FOXN2: variants seen among roughly 807,000 people sequenced by gnomAD.
The protein encoded by FOXN2 is forkhead box protein N2.
A neutral mutation model predicts 41.2 loss-of-function variants in FOXN2; 19 were observed. The ratio of observed to expected loss-of-function variants is 0.46; its 90% confidence interval spans 0.32 to 0.68. The LOEUF (loss-of-function observed/expected upper bound fraction) is 0.68, where lower values mean the gene tolerates loss of function less well. Ranked by LOEUF, FOXN2 falls within the 30% of genes least tolerant of loss-of-function variation. The probability of loss-of-function intolerance (pLI) is 0.03; values close to 1 mark genes in which losing one functional copy is unlikely to be tolerated. For synonymous variants in FOXN2, 195 were observed against 176.8 expected (o/e 1.10, Z -0.82); for missense variants, 587 against 509.4 (o/e 1.15, Z -1.47).
At position 48,368,886 on chromosome 2, in the gene FOXN2, CT is replaced by C. The variant is rs1242996574; in HGVS notation, c.704-4399del. Among the ~76,000 whole-genome samples the C allele has an allele frequency of 7.9e-5, 12 of 152,254 alleles. No individual in the cohort carries two copies. In the South Asian group the frequency reaches 2.3e-3, roughly 29 times the overall value. On this transcript the variant is annotated intron_variant, in intron 5 of 6. Coordinates refer to ENST00000340553, the MANE Select transcript of FOXN2 (RefSeq NM_002158.4). The stretch of plus-strand genomic sequence containing the variant: ...GCTTATTTTTAATGTTGAAGTTAAA[CT>C]TTTTTTCACAGTTAATTGGCAAGGC...
chr2:48,353,679 A>C (rs1478109149), intron 3 of FOXN2, among the ~76,000 whole-genome samples: 1 of 151,686 alleles, frequency 6.6e-6, no homozygotes, highest in Non-Finnish European at 1.5e-5. Flanking sequence ...CTTAATGCAT[A>C]ATTCTCTTTA....
intron 3 of FOXN2, among the ~76,000 whole-genome samples, chr2:48,358,644 A>G (rs1204258130): frequency 6.6e-6 from 1 of 152,254 alleles, no homozygotes; most frequent in Non-Finnish European, 1.5e-5. Flanking sequence ...AAATCTTAAT[A>G]GCAATCATAA....
chr2:48,362,723 A>T lies in FOXN2; in HGVS notation c.703+16A>T, dbSNP rs752508516. 1.2e-6 allele frequency: 2 copies of T among 1,601,568 alleles called. No individual in the cohort carries two copies. Among genetic ancestry groups the T allele is most frequent in the Admixed American group, 1.7e-5 (1 of 60,004 alleles). ...AACCTCAAAGGTATGTGTGAATATC[A>T]GTACAGTCATGCACCACACAACAAT... On this transcript the variant is annotated intron_variant, in intron 5 of 6. Coordinates refer to ENST00000340553, the MANE Select transcript of FOXN2 (RefSeq NM_002158.4).
chr2:48,361,093 A>C (rs113547991), intron 4 of FOXN2, among the ~76,000 whole-genome samples: 12 of 152,134 alleles, frequency 7.9e-5, no homozygotes, highest in African/African-American at 2.6e-4. Flanking sequence ...TGTCTTTGAT[A>C]TATTGTATTT....
intron 3 of FOXN2, among the ~76,000 whole-genome samples, chr2:48,351,275 A>G (rs1351420410): frequency 6.7e-6 from 1 of 148,218 alleles, no homozygotes; most frequent in African/African-American, 2.5e-5. Flanking sequence ...GTTGAATCCA[A>G]TGTTTTTCGT....
At chr2:48,353,973 T>C (rs1280215799) in intron 3 of FOXN2, among the ~76,000 whole-genome samples, 1 of 152,228 alleles carries the variant, frequency 6.6e-6, no homozygotes, top group Non-Finnish European at 1.5e-5. Flanking sequence ...AGTGATTTTA[T>C]TCTTGAATTG....
At chr2:48,315,098 C>G (rs1361426123) in intron 1 of FOXN2, among the ~76,000 whole-genome samples, 2 of 151,918 alleles carry the variant, frequency 1.3e-5, no homozygotes, top group Non-Finnish European at 2.9e-5. Flanking sequence ...AGGTAATGAC[C>G]GCCCGGGAGG....
chr2:48,331,303 A>G (rs1670006855), intron 2 of FOXN2, among the ~76,000 whole-genome samples: 1 of 152,200 alleles, frequency 6.6e-6, no homozygotes, highest in Admixed American at 6.5e-5. Flanking sequence ...AAAAAAGTAA[A>G]CAATTATTTA....
chr2:48,371,105 C>G (rs928868628), intron 5 of FOXN2, among the ~76,000 whole-genome samples: 1 of 152,134 alleles, frequency 6.6e-6, no homozygotes, highest in Non-Finnish European at 1.5e-5. Context: ...AATCAGTCCA[C>G]TGGCGGAGGG....
At chr2:48,328,456 G>A (rs1669822042) in intron 1 of FOXN2, 105 bp from the exon 2 acceptor site, 1 of 152,116 alleles carries the variant, frequency 6.6e-6, no homozygotes, top group Non-Finnish European at 1.5e-5. Context: ...ATAAATAGTT[G>A]TTAAACTGTA....
In FOXN2 at chr2:48,367,257, T is replaced by C. The variant is rs552166914; in HGVS notation, c.703+4550T>C. Among the ~76,000 whole-genome samples, 42 of 152,284 alleles carry C rather than the reference T, an allele frequency of 2.8e-4. 1 individual carries two copies. The highest frequency in any genetic ancestry group is 9.6e-4 in the African/African-American group (40 of 41,552). ...TGTATTTAGAGTAAATTCACCTGTT[T>C]AAAAATATTACTGAGCTGTTCTAGA... On this transcript the variant is annotated intron_variant, in intron 5 of 6. Transcript: ENST00000340553.
In FOXN2 at chr2:48,359,129, CTTCAGCATCTTCACAAAA is replaced by C. The variant is rs1275291350; in HGVS notation, c.621_638del (p.Ser208_Asn213del). The C allele has an allele frequency of 6.2e-7, 1 of 1,613,166 alleles. No individual in the cohort carries two copies. Among genetic ancestry groups the C allele is most frequent in the South Asian group, 1.1e-5 (1 of 91,054 alleles). ...CAGGCACTGAAGAAGCAACCTTTTT[CTTCAGCATCTTCACAAAA>C]GTAAGGATCTTCCATATAACTGTCA... On this transcript the variant is annotated inframe_deletion and splice_region_variant, in exon 4 of 7. Transcript: ENST00000340553.
intron 4 of FOXN2, 39 bp downstream of exon 4, chr2:48,359,186 G>T: frequency 7.0e-7 from 1 of 1,424,434 alleles, no homozygotes; most frequent in Non-Finnish European, 9.9e-7. Context: ...GTGATTTATA[G>T]GATTTCACTG....
intron 3 of FOXN2, among the ~76,000 whole-genome samples, chr2:48,351,546 G>A (rs145717944): frequency 2.6e-5 from 4 of 152,252 alleles, no homozygotes; most frequent in African/African-American, 9.6e-5. Flanking sequence ...TACCTGAGGT[G>A]GGGACATGGG....
At position 48,373,226 on chromosome 2, in the gene FOXN2, T is replaced by G. The variant is rs1051172066; in HGVS notation, c.704-66T>G. 4.4e-6 allele frequency: 5 copies of G among 1,133,682 alleles called. No individual in the cohort carries two copies. In the African/African-American group the frequency reaches 6.3e-5, roughly 14 times the overall value. 70.2% of individuals were successfully genotyped at this position (1,133,682 alleles called of 1,614,324 possible). A position where few individuals can be genotyped will look rare whatever the true frequency, so the allele number is the denominator to read the frequency against. On this transcript the variant is annotated intron_variant, in intron 5 of 6. Coordinates refer to ENST00000340553, the MANE Select transcript of FOXN2 (RefSeq NM_002158.4). ...GTAACGCTGGTTATCTTCAGGGGCA[T>G]GCAAATACTTAGAATAGCCTCTCCT...
chr2:48,326,091 C>CT (rs1669655645), intron 1 of FOXN2, among the ~76,000 whole-genome samples: 2 of 152,110 alleles, frequency 1.3e-5, no homozygotes, highest in Non-Finnish European at 2.9e-5. Context: ...CTCAAATGAT[C>CT]TGCCTGCCTT....
intron 5 of FOXN2, among the ~76,000 whole-genome samples, chr2:48,368,911 G>A (rs891431071): frequency 4.6e-5 from 7 of 152,120 alleles, no homozygotes; most frequent in African/African-American, 1.7e-4. Flanking sequence ...AATTGGCAAG[G>A]CATTGCAGGA....
At position 48,376,614 on chromosome 2, in the gene FOXN2, A is replaced by G. The variant is rs1188156255; in HGVS notation, c.*1171A>G. The stretch of plus-strand genomic sequence containing the variant: ...TAACAACCTATAGTGCCATTGATCC[A>G]TGAGAAAAAGATTTTCTGGTACTAC... On this transcript the variant is annotated 3_prime_UTR_variant, in exon 7 of 7. Transcript: ENST00000340553. 1.3e-5 allele frequency: 2 copies of G among 152,546 alleles called. No individual in the cohort carries two copies. Among genetic ancestry groups the G allele is most frequent in the African/African-American group, 2.4e-5 (1 of 41,464 alleles). The allele number at this position is 152,546 out of a possible 1,614,324, so 9.4% of individuals were successfully genotyped here.
intron 3 of FOXN2, among the ~76,000 whole-genome samples, chr2:48,355,742 G>C (rs1671753231): frequency 6.6e-6 from 1 of 152,140 alleles, no homozygotes; most frequent in Non-Finnish European, 1.5e-5. Context: ...GAGGCAGAAT[G>C]GCAAGGTCTA....
Sources: allele counts gnomAD v4.1 joint callset (sites outside exome capture counted in the v4.1 genomes callset), GRCh38; gene constraint gnomAD v4.1.1; transcripts MANE v1.5; gene names NCBI Gene and HGNC (gene_info 2026-07-23, HGNC 2026-07-21).